Variants in RASGRP1 observed in about 807,000 individuals in gnomAD.
RASGRP1 encodes the protein RAS guanyl releasing protein 1.
Under a neutral mutation model 95.1 loss-of-function variants are expected in RASGRP1, and 37 were observed. That is an observed-to-expected ratio of 0.39 (90% CI 0.30 to 0.51). The LOEUF (loss-of-function observed/expected upper bound fraction) is 0.51. Among genes scored for constraint, RASGRP1 ranks in the 20% least tolerant of loss-of-function variants. RASGRP1 has a pLI of 0.80. For synonymous variants in RASGRP1, 325 were observed against 353.4 expected, an observed-to-expected ratio of 0.92 and a Z score of 0.90; for missense variants, 711 against 965.4, an observed-to-expected ratio of 0.74 and a Z score of 3.49.
chr15:38,536,981 A>G (rs1892674195), intron 2 of RASGRP1, among the ~76,000 whole-genome samples: 2 of 152,372 alleles, frequency 1.3e-5, no homozygotes, highest in South Asian at 2.1e-4. Context: ...GTGAAGCACT[A>G]TAACAGTGAT....
At chr15:38,531,770 C>T (rs567732674) in intron 2 of RASGRP1, among the ~76,000 whole-genome samples, 7 of 151,886 alleles carry the variant, frequency 4.6e-5, no homozygotes, top group African/African-American at 1.7e-4. Flanking sequence ...ACACCCAGTC[C>T]AGAACTCCGA....
intron 2 of RASGRP1, among the ~76,000 whole-genome samples, chr15:38,552,606 A>C (rs1273311915): frequency 6.6e-6 from 1 of 152,254 alleles, no homozygotes; most frequent in Admixed American, 6.5e-5. Flanking sequence ...CCAGGTAGAC[A>C]TAACAGACAT....
intron 1 of RASGRP1, among the ~76,000 whole-genome samples, chr15:38,561,459 T>C (rs1178843844): frequency 2.0e-5 from 3 of 152,224 alleles, no homozygotes; most frequent in Admixed American, 2.0e-4. Flanking sequence ...AAGAGGCAGT[T>C]TGTGGGACAG....
intron 10 of RASGRP1, among the ~76,000 whole-genome samples, chr15:38,505,472 G>A (rs1891215839): frequency 6.6e-6 from 1 of 152,054 alleles, no homozygotes; most frequent in Non-Finnish European, 1.5e-5. Flanking sequence ...TTTATGTGGG[G>A]ACTCTTCTTA....
At chr15:38,535,796 G>A (rs1370232016) in intron 2 of RASGRP1, among the ~76,000 whole-genome samples, 3 of 152,228 alleles carry the variant, frequency 2.0e-5, no homozygotes, top group African/African-American at 4.8e-5. Flanking sequence ...GCTTTTAGCT[G>A]TATTGTCTCT....
At position 38,557,570 on chromosome 15, in the gene RASGRP1, C is replaced by G. The variant is rs139510595; in HGVS notation, c.220+2251G>C. Among the ~76,000 whole-genome samples, 4 of 150,788 alleles carry G rather than the reference C, an allele frequency of 2.7e-5. No homozygotes were observed. In the East Asian group the frequency reaches 5.8e-4, roughly 22 times the overall value. On this transcript the variant is annotated intron_variant, in intron 2 of 16. Coordinates refer to ENST00000310803, the MANE Select transcript of RASGRP1 (RefSeq NM_005739.4). ...AAAACTTACTCTTCCTGCATGCCTT[C>G]GGTATTTATCACCCTGTCCTTTGTA...
At chr15:38,497,356 T>C (rs1001830383) in intron 15 of RASGRP1, among the ~76,000 whole-genome samples, 10 of 152,128 alleles carry the variant, frequency 6.6e-5, no homozygotes, top group African/African-American at 2.4e-4. Flanking sequence ...TGTCTCATTT[T>C]TCTACTTCAT....
intron 2 of RASGRP1, among the ~76,000 whole-genome samples, chr15:38,537,615 A>G (rs1315009576): frequency 6.6e-6 from 1 of 152,174 alleles, no homozygotes; most frequent in Non-Finnish European, 1.5e-5. Context: ...AGAACTCACT[A>G]TCATGGGGAC....
intron 6 of RASGRP1, among the ~76,000 whole-genome samples, chr15:38,513,470 G>A (rs1368816228): frequency 6.6e-6 from 1 of 152,176 alleles, no homozygotes; most frequent in Admixed American, 6.5e-5. Flanking sequence ...ACTTTTTAAA[G>A]TGTTACATAT....
At chr15:38,545,564 G>GA (rs987599294) in intron 2 of RASGRP1, among the ~76,000 whole-genome samples, 7 of 151,260 alleles carry the variant, frequency 4.6e-5, no homozygotes, top group East Asian at 1.9e-4. Context: ...GAACTTGAGG[G>GA]AAAAAAATAT....
At chr15:38,516,116 A>G in intron 6 of RASGRP1, 81 bp downstream of exon 6, 1 of 1,470,082 alleles carries the variant, frequency 6.8e-7, no homozygotes, top group Non-Finnish European at 9.4e-7. Flanking sequence ...TAAGGTTATG[A>G]AGCGGATGGG....
intron 3 of RASGRP1, among the ~76,000 whole-genome samples, chr15:38,519,660 G>A (rs1172229808): frequency 6.6e-6 from 1 of 152,058 alleles, no homozygotes; most frequent in Non-Finnish European, 1.5e-5. Context: ...ATGTAAAGAG[G>A]TCCTGAGACA....
At chr15:38,523,490 CAT>C (rs765453017) in intron 3 of RASGRP1, among the ~76,000 whole-genome samples, 11 of 152,120 alleles carry the variant, frequency 7.2e-5, no homozygotes, top group Non-Finnish European at 1.0e-4. Context: ...AAGTTTATAA[CAT>C]AAAGTCACAG....
intron 2 of RASGRP1, among the ~76,000 whole-genome samples, chr15:38,529,568 C>T (rs1892359308): frequency 6.6e-6 from 1 of 152,246 alleles, no homozygotes; most frequent in Admixed American, 6.5e-5. Context: ...TGAGTTTTCT[C>T]ATGGTACTTA....
chr15:38,547,391 C>G (rs911707748), intron 2 of RASGRP1, among the ~76,000 whole-genome samples: 1 of 152,096 alleles, frequency 6.6e-6, no homozygotes, highest in Non-Finnish European at 1.5e-5. Flanking sequence ...AGCCCTCAAC[C>G]AATGACCGAT....
In RASGRP1 at chr15:38,560,007, T is replaced by C; in HGVS notation, c.36-2A>G. 2 of 1,609,576 alleles carry C rather than the reference T, an allele frequency of 1.2e-6. No homozygotes were observed. The highest frequency in any genetic ancestry group is 1.7e-6 in the Non-Finnish European group (2 of 1,177,568). On this transcript the variant is annotated splice_acceptor_variant, in intron 1 of 16. Transcript: ENST00000310803. LOFTEE classifies it high-confidence loss of function. ...GCTCTGCAGCCATGGGAAGGTTTCC[T>C]GGGGAAAGAGAGAAGGCAGTGAGGG...
intron 2 of RASGRP1, among the ~76,000 whole-genome samples, chr15:38,554,848 T>C (rs1266363015): frequency 6.6e-6 from 1 of 152,206 alleles, no homozygotes; most frequent in Non-Finnish European, 1.5e-5. Context: ...GAGGTTCCAC[T>C]GAGGAGGCTT....
chr15:38,552,375 T>C (rs1893373228), intron 2 of RASGRP1, among the ~76,000 whole-genome samples: 1 of 152,222 alleles, frequency 6.6e-6, no homozygotes, highest in Non-Finnish European at 1.5e-5. Context: ...CATTTTGTTA[T>C]GTAAGCACCC....
At chr15:38,519,445 G>T in intron 3 of RASGRP1, 74 bp from the exon 4 acceptor site, 3 of 1,053,706 alleles carry the variant, frequency 2.8e-6, no homozygotes, top group Non-Finnish European at 4.3e-6. Flanking sequence ...GGAAGTATTT[G>T]CTGAAACTAC....
Sources: gnomAD v4.1 joint callset for allele counts (sites outside exome capture counted in the v4.1 genomes callset) on GRCh38, gnomAD v4.1.1 for gene constraint, MANE v1.5 for transcripts, NCBI Gene and HGNC (gene_info 2026-07-23, HGNC 2026-07-21) for gene names.